The following CCSER1 variants were observed in gnomAD, a reference collection of about 807,000 sequenced individuals.
CCSER1 encodes coiled-coil serine rich protein 1.
A neutral mutation model predicts 82.0 loss-of-function variants in CCSER1; 41 were observed. That is an observed-to-expected ratio of 0.50 (90% CI 0.39 to 0.65). CCSER1 has a LOEUF of 0.65. Among genes scored for constraint, CCSER1 ranks in the 30% least tolerant of loss-of-function variants. The pLI, the probability that CCSER1 is intolerant of heterozygous loss-of-function variation, is 0.00. For synonymous variants in CCSER1, 414 were observed against 383.9 expected (o/e 1.08, Z -0.92); for missense variants, 1,119 against 1,064.2 (o/e 1.05, Z -0.72).
At chr4:90,604,212 T>A (rs908211718) in intron 5 of CCSER1, among the ~76,000 whole-genome samples, 4 of 152,234 alleles carry the variant, frequency 2.6e-5, no homozygotes, top group Non-Finnish European at 5.9e-5. Flanking sequence ...TGGGAAAAAT[T>A]ACAAAATCTG....
intron 8 of CCSER1, among the ~76,000 whole-genome samples, chr4:90,890,553 C>CCTGAAA (rs1427444724): frequency 6.6e-6 from 1 of 152,156 alleles, no homozygotes; most frequent in East Asian, 1.9e-4. Context: ...AAAACATGGG[C>CCTGAAA]ATGCCCAGCT....
At chr4:90,565,925 A>G (rs188052309) in intron 5 of CCSER1, among the ~76,000 whole-genome samples, 12 of 151,258 alleles carry the variant, frequency 7.9e-5, no homozygotes, top group Admixed American at 5.9e-4. Flanking sequence ...CAGAAGCGCA[A>G]TCTTGGCTCA....
intron 7 of CCSER1, among the ~76,000 whole-genome samples, chr4:90,745,971 G>T (rs1032902929): frequency 6.6e-6 from 1 of 151,812 alleles, no homozygotes; most frequent in South Asian, 2.1e-4. Context: ...AAGTGCTGGG[G>T]TTACAGGCGT....
At chr4:90,177,487 A>C (rs1360540518) in intron 1 of CCSER1, among the ~76,000 whole-genome samples, 1 of 152,102 alleles carries the variant, frequency 6.6e-6, no homozygotes, top group East Asian at 1.9e-4. Context: ...TATGTGGGGA[A>C]TACTATTGAT....
rs150940568 is a variant in CCSER1 at position 90,330,458 on chromosome 4, C to G, written c.1509+17411C>G. Among the ~76,000 whole-genome samples the G allele has an allele frequency of 4.1e-4, 62 of 152,222 alleles. 1 individual carries two copies. The East Asian group carries it at 9.4e-3, about 23-fold the overall frequency. On this transcript the variant is annotated intron_variant, in intron 3 of 10. Transcript: ENST00000509176. ...TGAATCACAGTGATTCTCACTTTATCTTTCTCTCTTTTATTTTTTAATAAT... is the reference window on the plus strand; with the variant it reads ...TGAATCACAGTGATTCTCACTTTATGTTTCTCTCTTTTATTTTTTAATAAT...
Position 90,529,509 on chromosome 4 carries a change from C to T in CCSER1, c.1724+61155C>T, listed in dbSNP as rs560003130. Among the ~76,000 whole-genome samples, 17 of 152,246 alleles carry T rather than the reference C, an allele frequency of 1.1e-4. No homozygotes were observed. The South Asian group carries it at 1.4e-3, about 13-fold the overall frequency. The stretch of plus-strand genomic sequence containing the variant: ...CCTCCCAAAGTACTGGGATTACAGG[C>T]GTGAGCCACCATGCCTGGCTTATAA... On this transcript the variant is annotated intron_variant, in intron 5 of 10. Coordinates refer to ENST00000509176, the MANE Select transcript of CCSER1 (RefSeq NM_001145065.2).
At chr4:90,291,763 A>G (rs747905696) in intron 1 of CCSER1, among the ~76,000 whole-genome samples, 4 of 152,016 alleles carry the variant, frequency 2.6e-5, no homozygotes, top group Non-Finnish European at 5.9e-5. Context: ...GCTTTAATAT[A>G]TTTAGTAAAG....
At chr4:91,339,439 C>T (rs970029850) in intron 10 of CCSER1, among the ~76,000 whole-genome samples, 3 of 151,768 alleles carry the variant, frequency 2.0e-5, no homozygotes, top group Non-Finnish European at 4.4e-5. Context: ...TTACTTTATC[C>T]GAGTTAATAT....
intron 5 of CCSER1, among the ~76,000 whole-genome samples, chr4:90,557,253 G>C (rs1335210877): frequency 1.3e-5 from 2 of 151,926 alleles, no homozygotes; most frequent in Admixed American, 1.3e-4. Context: ...ATCATTATTT[G>C]TGCATAGTTG....
chr4:90,139,443 T>C (rs1056811543), intron 1 of CCSER1, among the ~76,000 whole-genome samples: 2 of 152,232 alleles, frequency 1.3e-5, no homozygotes, highest in Non-Finnish European at 2.9e-5. Flanking sequence ...CTAGCTTTCA[T>C]GTTTTTGAAG....
intron 5 of CCSER1, among the ~76,000 whole-genome samples, chr4:90,511,245 C>T (rs539969056): frequency 6.6e-6 from 1 of 152,170 alleles, no homozygotes; most frequent in African/African-American, 2.4e-5. Flanking sequence ...TGGTGAAACC[C>T]CGTCTCTACT....
intron 1 of CCSER1, among the ~76,000 whole-genome samples, chr4:90,304,241 G>A (rs1242816909): frequency 2.6e-5 from 4 of 152,192 alleles, no homozygotes; most frequent in South Asian, 2.1e-4. Flanking sequence ...TCAGTGTGGC[G>A]ATTCCTCAGG....
At chr4:91,079,641 A>G (rs1722458190) in intron 9 of CCSER1, among the ~76,000 whole-genome samples, 1 of 152,184 alleles carries the variant, frequency 6.6e-6, no homozygotes, top group South Asian at 2.1e-4. Context: ...GGATACAGTC[A>G]GGACCCATCA....
intron 6 of CCSER1, among the ~76,000 whole-genome samples, chr4:90,661,659 G>C (rs1169399718): frequency 6.6e-6 from 1 of 152,122 alleles, no homozygotes; most frequent in East Asian, 1.9e-4. Context: ...TAGAGAAAGA[G>C]TTTATGGAAT....
intron 10 of CCSER1, among the ~76,000 whole-genome samples, chr4:91,174,126 T>A (rs1581706491): frequency 6.6e-6 from 1 of 152,290 alleles, no homozygotes; most frequent in South Asian, 2.1e-4. Flanking sequence ...CTATTGAGAA[T>A]TCTGAACAAC....
chr4:90,408,627 A>G (rs868531818), intron 4 of CCSER1, among the ~76,000 whole-genome samples: 1 of 152,204 alleles, frequency 6.6e-6, no homozygotes, highest in South Asian at 2.1e-4. Flanking sequence ...CCAACAACCC[A>G]TCTGTACGTC....
At chr4:90,455,075 A>T (rs2153580341) in intron 4 of CCSER1, among the ~76,000 whole-genome samples, 1 of 152,280 alleles carries the variant, frequency 6.6e-6, no homozygotes, top group East Asian at 1.9e-4. Flanking sequence ...CTTTTCTGAA[A>T]TTGCCACCAG....
chr4:90,797,387 G>A (rs1195132074), intron 7 of CCSER1, among the ~76,000 whole-genome samples: 1 of 152,086 alleles, frequency 6.6e-6, no homozygotes, highest in Non-Finnish European at 1.5e-5. Flanking sequence ...TGTGAGATTA[G>A]TCTCTTGAAG....
At chr4:90,668,260 G>A (rs911735401) in intron 6 of CCSER1, among the ~76,000 whole-genome samples, 1 of 152,142 alleles carries the variant, frequency 6.6e-6, no homozygotes, top group Admixed American at 6.6e-5. Context: ...ATGTAGGGAA[G>A]CAGCAGAAAT....
Sources: allele counts gnomAD v4.1 joint callset (sites outside exome capture counted in the v4.1 genomes callset), GRCh38; gene constraint gnomAD v4.1.1; transcripts MANE v1.5; gene names NCBI Gene and HGNC (gene_info 2026-07-23, HGNC 2026-07-21).